Variants in CHMP3 observed in about 807,000 individuals in gnomAD.
CHMP3 encodes 25.1 protein.
Under a neutral mutation model 27.4 loss-of-function variants are expected in CHMP3, and 8 were observed. The ratio of observed to expected loss-of-function variants is 0.29; its 90% CI spans 0.17 to 0.53. The LOEUF (loss-of-function observed/expected upper bound fraction) is 0.53, where lower values mean the gene tolerates loss of function less well. Ranked by LOEUF, CHMP3 falls within the 20% of genes least tolerant of loss-of-function variation. The probability of loss-of-function intolerance (pLI) is 0.96; values close to 1 mark genes in which losing one functional copy is unlikely to be tolerated. For missense variants in CHMP3, 208 were observed against 271.5 expected (o/e 0.77, Z 1.64); for synonymous variants, 86 against 85.5 (o/e 1.01, Z -0.03).
At chr2:86,538,973 G>A (rs1481530239) in intron 2 of CHMP3, among the ~76,000 whole-genome samples, 2 of 152,034 alleles carry the variant, frequency 1.3e-5, no homozygotes, top group Non-Finnish European at 1.5e-5. Context: ...AGAATATTAC[G>A]AACATGCCAC....
intron 3 of CHMP3, among the ~76,000 whole-genome samples, chr2:86,519,978 C>T (rs941073250): frequency 2.6e-5 from 4 of 152,078 alleles, no homozygotes; most frequent in Admixed American, 6.5e-5. Flanking sequence ...GTTTATTTAA[C>T]GGCTCAAATT....
chr2:86,520,936 G>T (rs1675497380), intron 3 of CHMP3, among the ~76,000 whole-genome samples: 3 of 152,184 alleles, frequency 2.0e-5, no homozygotes, highest in Admixed American at 1.3e-4. Context: ...AACCACAAAA[G>T]AAGTAAAAAT....
intron 1 of CHMP3, among the ~76,000 whole-genome samples, chr2:86,555,328 G>C (rs983338115): frequency 6.6e-6 from 1 of 152,062 alleles, no homozygotes; most frequent in African/African-American, 2.4e-5. Flanking sequence ...GCTGACGTAA[G>C]AAAATGCAAT....
At chr2:86,532,559 G>A (rs997617087) in intron 2 of CHMP3, among the ~76,000 whole-genome samples, 3 of 152,054 alleles carry the variant, frequency 2.0e-5, no homozygotes, top group Non-Finnish European at 4.4e-5. Flanking sequence ...TATTTTGATA[G>A]TCCCTGTGGT....
chr2:86,563,375 C>G lies in CHMP3; in HGVS notation c.-27G>C. The G allele has an allele frequency of 1.2e-6, 2 of 1,612,408 alleles. No individual in the cohort carries two copies. The highest frequency in any genetic ancestry group is 1.7e-6 in the Non-Finnish European group (2 of 1,179,190). On this transcript the variant is annotated 5_prime_UTR_variant, in exon 1 of 6. Coordinates refer to ENST00000263856, the MANE Select transcript of CHMP3 (RefSeq NM_016079.4). Reference sequence around the variant, plus strand: ...ACGAACTGAACCCGTCTTGCCCCTTCCGGCTTTCAGTTCCCCGCGCCCAGG... The same window carrying G: ...ACGAACTGAACCCGTCTTGCCCCTTGCGGCTTTCAGTTCCCCGCGCCCAGG...
chr2:86,512,815 A>C (rs566620161), intron 3 of CHMP3, among the ~76,000 whole-genome samples: 1 of 152,380 alleles, frequency 6.6e-6, no homozygotes, highest in South Asian at 2.1e-4. Context: ...CTGTAAATTA[A>C]AACAATGAGA....
chr2:86,527,540 T>C lies in CHMP3; in HGVS notation c.286+1678A>G, dbSNP rs571272762. On this transcript the variant is annotated intron_variant, in intron 3 of 5. Transcript: ENST00000263856. ...GACAATAATACTTGAGCTTTCAACA[T>C]GACAGGATTAAACTATTTCTTTATG... Among the ~76,000 whole-genome samples the C allele has an allele frequency of 8.5e-5, 13 of 152,324 alleles. No homozygotes were observed. In the South Asian group the frequency reaches 2.7e-3, roughly 32 times the overall value.
At chr2:86,548,302 G>A (rs1323435330) in intron 1 of CHMP3, among the ~76,000 whole-genome samples, 1 of 151,780 alleles carries the variant, frequency 6.6e-6, no homozygotes, top group Non-Finnish European at 1.5e-5. Flanking sequence ...CGTGAACAAA[G>A]GTCTCTGGTT....
chr2:86,515,576 C>T (rs1675270857), intron 3 of CHMP3, among the ~76,000 whole-genome samples: 1 of 152,148 alleles, frequency 6.6e-6, no homozygotes, highest in Non-Finnish European at 1.5e-5. Context: ...CCGCCTCAGC[C>T]TCCCAAAGTG....
At chr2:86,537,922 G>A (rs1029916778) in intron 2 of CHMP3, among the ~76,000 whole-genome samples, 8 of 152,108 alleles carry the variant, frequency 5.3e-5, no homozygotes, top group Non-Finnish European at 8.8e-5. Flanking sequence ...GTTTATGTAC[G>A]CAAAAGTACT....
intron 2 of CHMP3, among the ~76,000 whole-genome samples, chr2:86,535,997 T>TC (rs1291641415): frequency 7.1e-6 from 1 of 140,490 alleles, no homozygotes; most frequent in East Asian, 2.1e-4. Flanking sequence ...AACCTTTCTT[T>TC]TTTTTTTTTT....
Position 86,557,671 on chromosome 2 carries a change from T to C in CHMP3, c.45+5633A>G, listed in dbSNP as rs1428869808. ...TAAACCCTGCATATTCAGTTCACTTTGCTAGGGATGCCTCCCCTTTCCTGA... is the reference window on the plus strand; with the variant it reads ...TAAACCCTGCATATTCAGTTCACTTCGCTAGGGATGCCTCCCCTTTCCTGA... On this transcript the variant is annotated intron_variant, in intron 1 of 5. Coordinates refer to ENST00000263856, the MANE Select transcript of CHMP3 (RefSeq NM_016079.4). Among the ~76,000 whole-genome samples, 4 of 152,196 alleles carry C rather than the reference T, an allele frequency of 2.6e-5. No homozygotes were observed. In the East Asian group the frequency reaches 7.7e-4, roughly 29 times the overall value.
chr2:86,554,003 G>A (rs545169320), intron 1 of CHMP3, among the ~76,000 whole-genome samples: 2 of 152,310 alleles, frequency 1.3e-5, no homozygotes, highest in African/African-American at 4.8e-5. Context: ...CAAAGTGACA[G>A]TATCAGGAGG....
In CHMP3 at chr2:86,503,658, ACCT is replaced by A. The variant is rs1370329611; in HGVS notation, c.*2143_*2145del. 1 of 152,234 alleles carries A rather than the reference ACCT, an allele frequency of 6.6e-6. No individual in the cohort carries two copies. Among genetic ancestry groups the A allele is most frequent in the Non-Finnish European group, 1.5e-5 (1 of 68,048 alleles). The allele number at this position is 152,234 out of a possible 1,614,324, so 9.4% of individuals were successfully genotyped here. ...TTAAGCCATGAAATGACATGGAGGA[ACCT>A]TAATTGCATATTATTAAGTGAAAGA... On this transcript the variant is annotated 3_prime_UTR_variant, in exon 6 of 6. Coordinates refer to ENST00000263856, the MANE Select transcript of CHMP3 (RefSeq NM_016079.4).
At chr2:86,526,458 G>A (rs975019720) in intron 3 of CHMP3, among the ~76,000 whole-genome samples, 1 of 152,176 alleles carries the variant, frequency 6.6e-6, no homozygotes, top group Non-Finnish European at 1.5e-5. Flanking sequence ...AGCTTCTTTG[G>A]AGAGCAATTT....
chr2:86,558,860 T>G (rs1352422007), intron 1 of CHMP3, among the ~76,000 whole-genome samples: 1 of 140,852 alleles, frequency 7.1e-6, no homozygotes, highest in Non-Finnish European at 1.5e-5. Flanking sequence ...ATTTTCTTTC[T>G]CCCTTAAAAG....
chr2:86,508,431 C>G (rs1358033122), intron 4 of CHMP3, among the ~76,000 whole-genome samples: 1 of 152,192 alleles, frequency 6.6e-6, no homozygotes, highest in Non-Finnish European at 1.5e-5. Flanking sequence ...GAACAGCAAC[C>G]TCCAAAGTCA....
At position 86,563,177 on chromosome 2, in the gene CHMP3, G is replaced by C. The variant is rs1165182728; in HGVS notation, c.45+127C>G. On this transcript the variant is annotated intron_variant, in intron 1 of 5. Transcript: ENST00000263856. Reference sequence around the variant, plus strand: ...TTCCTCCGGCCCCCCTGTCGAGTGGGAGTCCCCGGAAATGGGGGCCGGGCG... The same window carrying C: ...TTCCTCCGGCCCCCCTGTCGAGTGGCAGTCCCCGGAAATGGGGGCCGGGCG... The C allele has an allele frequency of 7.1e-6, 8 of 1,132,720 alleles. No individual in the cohort carries two copies. In the Admixed American group the frequency reaches 1.5e-4, roughly 21 times the overall value. The allele number at this position is 1,132,720 out of a possible 1,614,324, so 70.2% of individuals were successfully genotyped here.
At chr2:86,548,810 C>T (rs189681836) in intron 1 of CHMP3, among the ~76,000 whole-genome samples, 2,236 of 148,278 alleles carry the variant, frequency 0.015, 55 homozygotes, top group African/African-American at 0.052. Flanking sequence ...CCAGACGGGG[C>T]GGCCGGGCAG....
Sources: gnomAD v4.1 joint callset for allele counts (sites outside exome capture counted in the v4.1 genomes callset) on GRCh38, gnomAD v4.1.1 for gene constraint, MANE v1.5 for transcripts, NCBI Gene and HGNC (gene_info 2026-07-23, HGNC 2026-07-21) for gene names.